Variants in GON4L observed in about 807,000 individuals in gnomAD.
The protein encoded by GON4L is GON-4-like protein.
In GON4L, 87 loss-of-function variants were observed where a neutral mutation model predicts 211.8. The ratio of observed to expected loss-of-function variants is 0.41; its 90% CI spans 0.35 to 0.49. The LOEUF (loss-of-function observed/expected upper bound fraction) is 0.49. Among genes scored for constraint, GON4L ranks in the 20% least tolerant of loss-of-function variants. The pLI, the probability that GON4L is intolerant of heterozygous loss-of-function variation, is 0.15. For synonymous variants in GON4L, 875 were observed against 962.6 expected, an observed-to-expected ratio of 0.91 and a Z score of 1.68; for missense variants, 2,155 against 2,659.5, an observed-to-expected ratio of 0.81 and a Z score of 4.17.
rs139025007 is a variant in GON4L at position 155,812,986 on chromosome 1, T to C, written c.1452+648A>G. Among the ~76,000 whole-genome samples, 13 of 152,324 alleles carry C rather than the reference T, an allele frequency of 8.5e-5. No individual in the cohort carries two copies. In the East Asian group the frequency reaches 2.3e-3, roughly 27 times the overall value. ...GCCTGCATCACACTCTAAAATGATT[T>C]AGAAAACACTATGTGTATATACAGA... is the stretch of plus-strand genomic sequence containing the variant. On this transcript the variant is annotated intron_variant, in intron 10 of 31. Transcript: ENST00000368331.
chr1:155,797,146 G>A (rs927381782), intron 11 of GON4L, among the ~76,000 whole-genome samples: 9 of 151,106 alleles, frequency 6.0e-5, no homozygotes, highest in Admixed American at 1.3e-4. Flanking sequence ...GTGGAGTCTC[G>A]CTCTGTCGCC....
At chr1:155,853,236 T>C (rs904915421) in intron 2 of GON4L, 40 bp downstream of exon 2, 5 of 1,518,384 alleles carry the variant, frequency 3.3e-6, no homozygotes, top group Non-Finnish European at 4.6e-6. Flanking sequence ...GGCAAAGTGG[T>C]ATTGACAAGA....
intron 2 of GON4L, among the ~76,000 whole-genome samples, chr1:155,849,461 G>A (rs547111907): frequency 1.6e-3 from 233 of 146,518 alleles, no homozygotes; most frequent in Non-Finnish European, 2.7e-3. Flanking sequence ...GGAGAATGGC[G>A]TGAACCCAGG....
chr1:155,754,828 C>T (rs949389820), intron 27 of GON4L, among the ~76,000 whole-genome samples: 1 of 150,860 alleles, frequency 6.6e-6, no homozygotes, highest in African/African-American at 2.4e-5. Context: ...TGTGCCTGGC[C>T]GTATTTTTGG....
chr1:155,807,680 G>A (rs1667265496), intron 10 of GON4L, among the ~76,000 whole-genome samples: 1 of 109,926 alleles, frequency 9.1e-6, no homozygotes, highest in Non-Finnish European at 1.7e-5. Flanking sequence ...CTCCAGTCTG[G>A]GTGACAGAGC....
rs1245100381 is a variant in GON4L at position 155,754,382 on chromosome 1, C to G, written c.5624G>C (p.Ser1875Thr). The change falls in exon 28 of 32, where the codon AGC becomes ACC. Residue 1875 changes from serine to threonine, a missense_variant. Physicochemically the swap from Ser to Thr is moderately conservative, Grantham distance 58 (BLOSUM62 1). This residue lies in a region of GON4L where 455 missense variants were observed against 504.6 expected (regional missense o/e 0.90). Transcript: ENST00000368331. ...CCTTGATACTTTCCTCACCTTGCTGCTACAGTGGCTACAGCTCCGCCTTTT... is the reference window on the plus strand; with the variant it reads ...CCTTGATACTTTCCTCACCTTGCTGGTACAGTGGCTACAGCTCCGCCTTTT... ...KSKRRSCSHC[S>T]SKVCDSKSYK... The G allele has an allele frequency of 6.3e-7, 1 of 1,598,086 alleles. No homozygotes were observed. The highest frequency in any genetic ancestry group is 8.6e-7 in the Non-Finnish European group (1 of 1,165,464).
intron 27 of GON4L, among the ~76,000 whole-genome samples, chr1:155,755,784 T>C (rs556444141): frequency 1.3e-5 from 2 of 152,276 alleles, no homozygotes; most frequent in Non-Finnish European, 2.9e-5. Context: ...GAGAGAACTT[T>C]GTACCCATGG....
intron 19 of GON4L, among the ~76,000 whole-genome samples, chr1:155,767,916 T>C (rs1662704977): frequency 6.6e-6 from 1 of 152,160 alleles, no homozygotes; most frequent in African/African-American, 2.4e-5. Flanking sequence ...TCGTAATCTA[T>C]ACCTTGGACA....
intron 10 of GON4L, among the ~76,000 whole-genome samples, chr1:155,810,551 A>G (rs994700857): frequency 2.0e-5 from 3 of 151,698 alleles, no homozygotes; most frequent in Non-Finnish European, 4.4e-5. Context: ...ACCAAAAAAT[A>G]CAAAAAATTA....
chr1:155,801,700 T>C (rs866240145), intron 11 of GON4L, among the ~76,000 whole-genome samples: 4 of 150,812 alleles, frequency 2.7e-5, no homozygotes, highest in African/African-American at 4.9e-5. Flanking sequence ...CTGACCAATA[T>C]GGTGAAACCC....
At chr1:155,813,135 GA>G (rs953111661) in intron 10 of GON4L, among the ~76,000 whole-genome samples, 32 of 151,982 alleles carry the variant, frequency 2.1e-4, no homozygotes, top group African/African-American at 7.5e-4. Flanking sequence ...TTCTTCCTTA[GA>G]AACTGCCATT....
At chr1:155,819,676 A>G (rs569934297) in intron 6 of GON4L, among the ~76,000 whole-genome samples, 45 of 152,346 alleles carry the variant, frequency 3.0e-4, no homozygotes, top group African/African-American at 1.1e-3. Context: ...GAACTCCCTC[A>G]TGACTATTAC....
intron 12 of GON4L, among the ~76,000 whole-genome samples, chr1:155,787,624 T>C (rs1004352841): frequency 6.6e-6 from 1 of 151,974 alleles, no homozygotes; most frequent in Non-Finnish European, 1.5e-5. Context: ...AATACAAAAA[T>C]TAGCCAGGCA....
At chr1:155,843,878 C>T (rs1670998326) in intron 2 of GON4L, among the ~76,000 whole-genome samples, 1 of 152,108 alleles carries the variant, frequency 6.6e-6, no homozygotes, top group Non-Finnish European at 1.5e-5. Context: ...AATTTGTGAC[C>T]CATCTGGGCT....
intron 3 of GON4L, 122 bp downstream of exon 3, chr1:155,826,715 A>G: frequency 1.4e-6 from 1 of 706,094 alleles, no homozygotes; most frequent in Admixed American, 2.3e-5. Flanking sequence ...TCCTGCTTAC[A>G]AGGGTGTATT....
intron 5 of GON4L, 132 bp downstream of exon 5, chr1:155,821,342 T>C (rs1178737928): frequency 5.7e-6 from 3 of 526,774 alleles, no homozygotes; most frequent in African/African-American, 1.9e-5. Context: ...CAAGTAATTC[T>C]TATGTTTTGA....
chr1:155,760,751 A>C, intron 23 of GON4L, 110 bp from the exon 24 acceptor site: 1 of 722,182 alleles, frequency 1.4e-6, no homozygotes, highest in Admixed American at 2.2e-5. Flanking sequence ...AGAATTATCC[A>C]TCAGAGGCTG....
At chr1:155,820,193 C>T in intron 6 of GON4L, among the ~76,000 whole-genome samples, 1 of 152,204 alleles carries the variant, frequency 6.6e-6, no homozygotes, top group East Asian at 1.9e-4. Context: ...GGATTACAGG[C>T]ATGAGCCACT....
intron 5 of GON4L, 139 bp downstream of exon 5, chr1:155,821,334 AG>A (rs1668722963): frequency 4.5e-6 from 2 of 440,148 alleles, no homozygotes; most frequent in South Asian, 3.5e-5. Flanking sequence ...AAAATTACCA[AG>A]TAATTCTTAT....
Sources: allele counts gnomAD v4.1 joint callset (sites outside exome capture counted in the v4.1 genomes callset), GRCh38; gene constraint gnomAD v4.1.1; regional missense constraint gnomAD v4.1.1; transcripts MANE v1.5; gene names NCBI Gene and HGNC (gene_info 2026-07-23, HGNC 2026-07-21).